Variants in AKT1 observed in about 807,000 individuals in gnomAD.
AKT1 encodes the protein RAC-alpha serine/threonine-protein kinase.
In AKT1, 21 loss-of-function variants were observed where a neutral mutation model predicts 63.1. The observed-to-expected ratio is 0.33, with a 90% CI of 0.24 to 0.48. The LOEUF is 0.48. Among genes scored for constraint, AKT1 ranks in the 20% least tolerant of loss-of-function variants. The pLI is 0.99. For synonymous variants in AKT1, 257 were observed against 253.1 expected, an observed-to-expected ratio of 1.02 and a Z score of -0.15; for missense variants, 382 against 666.0, an observed-to-expected ratio of 0.57 and a Z score of 4.69.
chr14:104,791,242 C>T (rs1479467598), intron 3 of AKT1, among the ~76,000 whole-genome samples: 2 of 152,084 alleles, frequency 1.3e-5, no homozygotes, highest in Non-Finnish European at 2.9e-5. Flanking sequence ...CAGAGAGGAA[C>T]AGGGCCAGGG....
Position 104,780,083 on chromosome 14 carries a change from C to T in AKT1, c.175+5G>A, listed in dbSNP as rs754417090. On this transcript the variant is annotated splice_donor_5th_base_variant and intron_variant, in intron 4 of 14. Coordinates refer to ENST00000649815, the MANE Select transcript of AKT1 (RefSeq NM_001382430.1). Reference sequence around the variant, plus strand: ...TGAATCCCGAGAGGCCAAGGGGATACTTACGCGCCACAGAGAAGTTGTTGA... The same window carrying T: ...TGAATCCCGAGAGGCCAAGGGGATATTTACGCGCCACAGAGAAGTTGTTGA... 1.7e-5 allele frequency: 28 copies of T among 1,613,238 alleles called. No individual in the cohort carries two copies. Among genetic ancestry groups the T allele is most frequent in the Non-Finnish European group, 2.3e-5 (27 of 1,179,748 alleles).
intron 3 of AKT1, among the ~76,000 whole-genome samples, chr14:104,781,526 C>A (rs1162487929): frequency 6.6e-6 from 1 of 152,144 alleles, no homozygotes; most frequent in Non-Finnish European, 1.5e-5. Context: ...TTCCAGGGAG[C>A]CACGGGGGAG....
rs1892748357 is a variant in AKT1 at position 104,776,910 on chromosome 14, AGC to A, written c.176-142_176-141del. 7 of 655,188 alleles carry A rather than the reference AGC, an allele frequency of 1.1e-5. No individual in the cohort carries two copies. In the South Asian group the frequency reaches 1.3e-4, roughly 12 times the overall value. 40.6% of individuals were successfully genotyped at this position (655,188 alleles called of 1,614,324 possible). On this transcript the variant is annotated intron_variant, in intron 4 of 14. Transcript: ENST00000649815. ...GAAGCCCCATCTCTTCCTCTCTCCA[AGC>A]CTCAGTTTCTCGCCTCACAGAGTGG...
intron 3 of AKT1, among the ~76,000 whole-genome samples, chr14:104,787,940 C>T (rs1325849406): frequency 2.0e-5 from 3 of 152,248 alleles, no homozygotes; most frequent in African/African-American, 7.2e-5. Context: ...AAAACAGGAA[C>T]CTCCCTGATG....
intron 3 of AKT1, among the ~76,000 whole-genome samples, chr14:104,783,474 C>G (rs1566822743): frequency 6.6e-6 from 1 of 151,936 alleles, no homozygotes; most frequent in Non-Finnish European, 1.5e-5. Flanking sequence ...CATCTCCCCA[C>G]CATCAGCCAG....
At chr14:104,793,037 C>G (rs1288565943) in intron 2 of AKT1, 90 bp downstream of exon 2, 1 of 354,508 alleles carries the variant, frequency 2.8e-6, no homozygotes, top group African/African-American at 2.0e-5. Flanking sequence ...GCCCTGAGAG[C>G]TGCTGCCTTG....
At chr14:104,777,284 A>G in intron 4 of AKT1, 1 of 202,840 alleles carries the variant, frequency 4.9e-6, no homozygotes, top group Non-Finnish European at 9.9e-6. Context: ...CCTGGGGCAC[A>G]GCCACACCTG....
Position 104,773,220 on chromosome 14 carries a change from C to G in AKT1, c.957+31G>C. Reference sequence around the variant, plus strand: ...GTGTGCTCAGGACGTGGGGACGCAGCAACGCGTATGCACGCAGGTGGGGCG... The same window carrying G: ...GTGTGCTCAGGACGTGGGGACGCAGGAACGCGTATGCACGCAGGTGGGGCG... On this transcript the variant is annotated intron_variant, in intron 11 of 14. Coordinates refer to ENST00000649815, the MANE Select transcript of AKT1 (RefSeq NM_001382430.1). 3.1e-6 allele frequency: 5 copies of G among 1,613,802 alleles called. No individual in the cohort carries two copies. In the South Asian group the frequency reaches 5.5e-5, roughly 18 times the overall value.
intron 3 of AKT1, among the ~76,000 whole-genome samples, chr14:104,790,363 C>G (rs1036193191): frequency 2.0e-5 from 3 of 152,222 alleles, no homozygotes; most frequent in African/African-American, 7.2e-5. Flanking sequence ...TCCCCACCCC[C>G]AGCCAGGCCT....
In AKT1 at chr14:104,780,535, A is replaced by G. The variant is rs2498793; in HGVS notation, c.47-319T>C. Among the ~76,000 whole-genome samples the G allele has an allele frequency of 0.019, 2,832 of 152,270 alleles. 228 individuals carry two copies. In the East Asian group the frequency reaches 0.23, roughly 13 times the overall value. ...TGGGAAGAGGTCTGGGCCAGTCTGC[A>G]CAGCCTTCCTGGAGGAGGCAGCCCT... On this transcript the variant is annotated intron_variant, in intron 3 of 14. Transcript: ENST00000649815.
chr14:104,780,246 C>A, intron 3 of AKT1, 30 bp from the exon 4 acceptor site: 1 of 1,610,212 alleles, frequency 6.2e-7, no homozygotes, highest in Non-Finnish European at 8.5e-7. Flanking sequence ...GAGAGCCACG[C>A]ACACTCTACC....
intron 5 of AKT1, 104 bp downstream of exon 5, chr14:104,776,551 GGAGT>G: frequency 4.4e-6 from 4 of 915,046 alleles, no homozygotes. Context: ...GGAGCACTGG[GGAGT>G]GAGGATGGCT....
rs28730786 is a variant in AKT1, at chr14:104,792,651, G to A, written c.-8C>T. On this transcript the variant is annotated 5_prime_UTR_variant, in exon 3 of 15. Coordinates refer to ENST00000649815, the MANE Select transcript of AKT1 (RefSeq NM_001382430.1). ...AATAGCCACGTCGCTCATGGTGCCCGAGGCTCCCGCGACGCTCACGCGCTC... is the reference window on the plus strand; with the variant it reads ...AATAGCCACGTCGCTCATGGTGCCCAAGGCTCCCGCGACGCTCACGCGCTC... 1.8e-5 allele frequency: 29 copies of A among 1,609,686 alleles called. No individual in the cohort carries two copies. The highest frequency in any genetic ancestry group is 4.5e-5 in the East Asian group (2 of 44,890).
intron 4 of AKT1, chr14:104,778,471 G>A (rs1350796648): frequency 6.6e-6 from 1 of 152,160 alleles, no homozygotes. Context: ...CTTGAGGCTG[G>A]AAGAGCCAGG....
intron 3 of AKT1, among the ~76,000 whole-genome samples, chr14:104,784,366 G>GTA (rs1893225972): frequency 6.6e-6 from 1 of 152,124 alleles, no homozygotes; most frequent in South Asian, 2.1e-4. Context: ...TGCCCTCGGT[G>GTA]GGGGGTAGGC....
intron 4 of AKT1, 31 bp from the exon 5 acceptor site, chr14:104,776,801 C>T (rs2140931567): frequency 2.5e-6 from 4 of 1,591,940 alleles, no homozygotes; most frequent in Non-Finnish European, 3.4e-6. Context: ...TGTCTGCGTG[C>T]ATCCCCCTGC....
At chr14:104,794,768 C>T (rs569368816) in intron 1 of AKT1, among the ~76,000 whole-genome samples, 151 of 152,326 alleles carry the variant, frequency 9.9e-4, no homozygotes, top group South Asian at 2.1e-3. Context: ...CCTCTGGCTG[C>T]AGAGCAGGGG....
chr14:104,787,664 C>G (rs1893403681), intron 3 of AKT1, among the ~76,000 whole-genome samples: 1 of 152,244 alleles, frequency 6.6e-6, no homozygotes, highest in Non-Finnish European at 1.5e-5. Flanking sequence ...GGTCTAGGCC[C>G]CAGCACAGGA....
chr14:104,785,767 G>A (rs73350323), intron 3 of AKT1, among the ~76,000 whole-genome samples: 1,595 of 152,154 alleles, frequency 0.01, 17 homozygotes, highest in South Asian at 0.033. Flanking sequence ...GCCTCAGCCC[G>A]ACACACACAC....
Sources: allele counts gnomAD v4.1 joint callset (sites outside exome capture counted in the v4.1 genomes callset), GRCh38; gene constraint gnomAD v4.1.1; transcripts MANE v1.5; gene names NCBI Gene and HGNC (gene_info 2026-07-23, HGNC 2026-07-21).